KLRG1: variants seen among roughly 807,000 people sequenced by gnomAD.
KLRG1 encodes killer cell lectin-like receptor subfamily G member 1.
KLRG1 carries 16 observed loss-of-function variants against 21.8 expected under a neutral mutation model. The ratio of observed to expected loss-of-function variants is 0.73; its 90% CI spans 0.50 to 1.11. The LOEUF is 1.11. KLRG1 is among the 50% of genes most tolerant of loss of function. The pLI is 0.00. For synonymous variants in KLRG1, 69 were observed against 75.9 expected, an observed-to-expected ratio of 0.91 and a Z score of 0.47; for missense variants, 173 against 218.3, an observed-to-expected ratio of 0.79 and a Z score of 1.31.
At chr12:9,021,796 T>C in the KLRG1 span, among the ~76,000 whole-genome samples, 1 of 152,172 alleles carries the variant, frequency 6.6e-6, no homozygotes, top group Non-Finnish European at 1.5e-5. Context: ...CTCCACATCT[T>C]GTCCCACTGG....
In KLRG1 at chr12:8,995,302, T is replaced by C. The variant is rs1290373219; in HGVS notation, c.357+14T>C. Reference sequence around the variant, plus strand: ...AATCAGGAAATGGTAAATGCAAACATTTAGAAAATGTAGGGTTTTTGTTTT... The same window carrying C: ...AATCAGGAAATGGTAAATGCAAACACTTAGAAAATGTAGGGTTTTTGTTTT... On this transcript the variant is annotated intron_variant, in intron 3 of 4. Transcript: ENST00000356986. 1.3e-6 allele frequency: 2 copies of C among 1,594,614 alleles called. No homozygotes were observed. The highest frequency in any genetic ancestry group is 1.4e-5 in the African/African-American group (1 of 73,500).
Position 8,995,144 on chromosome 12 carries a change from C to G in KLRG1, c.213C>G (p.Ser71Arg). The change falls in exon 3 of 5, where the codon AGC becomes AGG. Residue 71 changes from serine (S) to arginine (R), a missense_variant. Physicochemically the swap from Ser to Arg is moderately radical, Grantham distance 110. Transcript: ENST00000356986. ...GCTCCAACTACTCCACTTGTGCCAG[C>G]TGTCCTAGCTGCCCAGACCGCTGGA... ...CQGSNYSTCA[S>R]CPSCPDRWMK... is the part of the protein sequence containing the mutation. 6.2e-7 allele frequency: 1 copy of G among 1,608,320 alleles called. No homozygotes were observed. The highest frequency in any genetic ancestry group is 2.2e-5 in the East Asian group (1 of 44,672).
At chr12:9,082,484 T>A in the KLRG1 span, among the ~76,000 whole-genome samples, 1 of 152,216 alleles carries the variant, frequency 6.6e-6, no homozygotes, top group Non-Finnish European at 1.5e-5. Flanking sequence ...AGGGAACCCA[T>A]GAAAACTCTG....
the KLRG1 span, among the ~76,000 whole-genome samples, chr12:9,163,146 G>A: frequency 2.6e-5 from 4 of 152,182 alleles, no homozygotes; most frequent in East Asian, 5.8e-4. Flanking sequence ...GGGTATGAGA[G>A]ATATGTGAAT....
At chr12:8,957,442 A>T (rs932618745) in intron 1 of KLRG1, among the ~76,000 whole-genome samples, 1 of 152,194 alleles carries the variant, frequency 6.6e-6, no homozygotes, top group African/African-American at 2.4e-5. Flanking sequence ...CCTTCTTCAC[A>T]ATTTAACAGA....
chr12:9,127,483 G>T, the KLRG1 span, among the ~76,000 whole-genome samples: 10 of 152,232 alleles, frequency 6.6e-5, no homozygotes, highest in Admixed American at 6.5e-4. Context: ...GATTCCTCCT[G>T]CCGATTGCAG....
At chr12:9,016,265 C>T in the KLRG1 span, among the ~76,000 whole-genome samples, 24 of 150,444 alleles carry the variant, frequency 1.6e-4, no homozygotes, top group Admixed American at 3.3e-4. Flanking sequence ...AGCCATACTA[C>T]GTAAGAAAAA....
chr12:9,073,144 T>C, the KLRG1 span, among the ~76,000 whole-genome samples: 1 of 152,230 alleles, frequency 6.6e-6, no homozygotes, highest in Non-Finnish European at 1.5e-5. Context: ...GGACATGGAA[T>C]GTGGAAAACA....
the KLRG1 span, among the ~76,000 whole-genome samples, chr12:9,019,565 T>C: frequency 1.3e-5 from 2 of 152,106 alleles, no homozygotes; most frequent in African/African-American, 2.4e-5. Context: ...GTGGTACATA[T>C]ACATGAGGGA....
At chr12:9,161,760 TGTGGCG>T in the KLRG1 span, among the ~76,000 whole-genome samples, 2 of 152,212 alleles carry the variant, frequency 1.3e-5, no homozygotes, top group Non-Finnish European at 2.9e-5. Context: ...GAACTAATAA[TGTGGCG>T]GTTCTGTATA....
chr12:9,097,632 C>CTTTTTTTTTTTT, the KLRG1 span, among the ~76,000 whole-genome samples: 1 of 127,116 alleles, frequency 7.9e-6, no homozygotes, highest in African/African-American at 2.9e-5. Context: ...TGATGTAATT[C>CTTTTTTTTTTTT]TTTTTTTTTT....
intron 2 of KLRG1, among the ~76,000 whole-genome samples, chr12:8,993,490 A>C: frequency 6.6e-6 from 1 of 151,892 alleles, no homozygotes. Flanking sequence ...GGGTTTCACT[A>C]TGTTGGCCAG....
chr12:9,067,625 C>T, the KLRG1 span: 1 of 673,722 alleles, frequency 1.5e-6, no homozygotes, highest in Non-Finnish European at 2.7e-6. Context: ...CACTTGATTC[C>T]TTTAAGTTTA....
At chr12:9,115,778 T>A in the KLRG1 span, 1 of 1,613,132 alleles carries the variant, frequency 6.2e-7, no homozygotes, top group Non-Finnish European at 8.5e-7. Context: ...TTCCAGAGAC[T>A]GAGGCGTCTG....
chr12:9,064,472 G>A, the KLRG1 span: 9 of 154,846 alleles, frequency 5.8e-5, no homozygotes, highest in East Asian at 1.4e-3. This position sits in a 1 kb window ranked among gnomAD's most constrained non-coding sequence, Gnocchi z 4.0. Context: ...TCGCGTTGCC[G>A]GGTGGGGCGA....
the KLRG1 span, among the ~76,000 whole-genome samples, chr12:9,139,937 C>T: frequency 6.6e-6 from 1 of 152,092 alleles, no homozygotes; most frequent in Non-Finnish European, 1.5e-5. Flanking sequence ...TGGAATGTTT[C>T]TGTGTGGAGG....
chr12:9,133,508 T>G, the KLRG1 span, among the ~76,000 whole-genome samples: 1 of 152,214 alleles, frequency 6.6e-6, no homozygotes, highest in Non-Finnish European at 1.5e-5. Context: ...TAATTCCATA[T>G]GATGATAAAT....
At chr12:9,040,491 A>G in the KLRG1 span, among the ~76,000 whole-genome samples, 4 of 152,232 alleles carry the variant, frequency 2.6e-5, no homozygotes, top group Non-Finnish European at 5.9e-5. Context: ...TTGTCCTGTC[A>G]TGAAATAGCA....
At chr12:9,206,796 G>C in the KLRG1 span, among the ~76,000 whole-genome samples, 1 of 152,104 alleles carries the variant, frequency 6.6e-6, no homozygotes, top group Non-Finnish European at 1.5e-5. Context: ...CAGACACAAC[G>C]TAAAAGGATG....
Sources: allele counts gnomAD v4.1 joint callset (sites outside exome capture counted in the v4.1 genomes callset), GRCh38; gene constraint gnomAD v4.1.1; non-coding constraint Gnocchi (gnomAD v3.1); transcripts MANE v1.5; gene names NCBI Gene and HGNC (gene_info 2026-07-23, HGNC 2026-07-21).